Variants in RNF13 observed in about 807,000 individuals in gnomAD.
RNF13 encodes ring finger protein 13, also known as E3 ubiquitin-protein ligase RNF13.
Under a neutral mutation model 37.7 loss-of-function variants are expected in RNF13, and 19 were observed. The observed-to-expected ratio is 0.50, with a 90% CI of 0.35 to 0.74. The LOEUF is 0.74. Ranked by LOEUF, RNF13 falls within the 30% of genes least tolerant of loss-of-function variation. RNF13 has a pLI of 0.01. For synonymous variants in RNF13, 144 were observed against 157.8 expected, an observed-to-expected ratio of 0.91 and a Z score of 0.65; for missense variants, 375 against 453.0, an observed-to-expected ratio of 0.83 and a Z score of 1.56.
At chr3:149,840,539 T>G (rs1431058803) in intron 1 of RNF13, among the ~76,000 whole-genome samples, 1 of 152,214 alleles carries the variant, frequency 6.6e-6, no homozygotes, top group Non-Finnish European at 1.5e-5. Context: ...GGTTCTAAAA[T>G]ATCCTCAGGA....
intron 1 of RNF13, chr3:149,822,454 T>C (rs1001033600): frequency 2.0e-5 from 3 of 152,048 alleles, no homozygotes; most frequent in African/African-American, 7.2e-5. Flanking sequence ...AGAAACACAA[T>C]GGATTTTGTG....
At chr3:149,877,050 G>A (rs1712795696) in intron 4 of RNF13, among the ~76,000 whole-genome samples, 1 of 151,984 alleles carries the variant, frequency 6.6e-6, no homozygotes, top group African/African-American at 2.4e-5. Context: ...AAAGTGCAGG[G>A]ATTACAGGCG....
chr3:149,896,479 CTTT>C (rs952704455), intron 5 of RNF13, among the ~76,000 whole-genome samples: 14 of 150,842 alleles, frequency 9.3e-5, no homozygotes, highest in Non-Finnish European at 3.0e-5. Flanking sequence ...TGCCCTTCTT[CTTT>C]ATTTTTTTTT....
intron 8 of RNF13, among the ~76,000 whole-genome samples, chr3:149,925,630 T>G (rs2108545999): frequency 6.6e-6 from 1 of 152,344 alleles, no homozygotes; most frequent in South Asian, 2.1e-4. Flanking sequence ...ACATTCTTTT[T>G]TTTTCAGTTT....
intron 8 of RNF13, 98 bp from the exon 9 acceptor site, chr3:149,959,958 T>C (rs1722218896): frequency 2.8e-6 from 2 of 721,848 alleles, no homozygotes; most frequent in South Asian, 3.7e-5. Context: ...GCAAAAGGCA[T>C]CATTCAAAGA....
rs534473909 is a variant in RNF13 at position 149,950,676 on chromosome 3, A to G, written c.701-9380A>G. Among the ~76,000 whole-genome samples, 6 of 150,048 alleles carry G rather than the reference A, an allele frequency of 4.0e-5. No individual in the cohort carries two copies. The East Asian group carries it at 9.9e-4, about 25-fold the overall frequency. ...TTTTTGGTAGAAATGGGGTCTTTCT[A>G]TGTTGCCCAGGCTGGTCTTCAACAT... is the stretch of plus-strand genomic sequence containing the variant. On this transcript the variant is annotated intron_variant, in intron 8 of 9. Coordinates refer to ENST00000392894, the MANE Select transcript of RNF13 (RefSeq NM_183381.3).
At chr3:149,856,558 C>G (rs1434370542) in intron 3 of RNF13, among the ~76,000 whole-genome samples, 1 of 151,678 alleles carries the variant, frequency 6.6e-6, no homozygotes, top group Non-Finnish European at 1.5e-5. Flanking sequence ...ATCCTCCCAC[C>G]TCAGGCTCCT....
intron 6 of RNF13, among the ~76,000 whole-genome samples, chr3:149,903,648 C>G (rs1440777116): frequency 6.6e-6 from 1 of 152,102 alleles, no homozygotes; most frequent in Non-Finnish European, 1.5e-5. Context: ...TACAAACTCT[C>G]TTATCCCACC....
intron 8 of RNF13, among the ~76,000 whole-genome samples, chr3:149,944,877 C>G (rs1210160911): frequency 6.6e-6 from 1 of 152,102 alleles, no homozygotes; most frequent in Admixed American, 6.5e-5. Context: ...GACATGAAGT[C>G]CTTGCCCATG....
intron 1 of RNF13, among the ~76,000 whole-genome samples, chr3:149,815,752 G>A (rs1201601459): frequency 6.6e-6 from 1 of 152,180 alleles, no homozygotes; most frequent in African/African-American, 2.4e-5. Context: ...GATTGGTATT[G>A]TCAAAGTTTA....
At chr3:149,916,616 G>A (rs1389724165) in intron 7 of RNF13, among the ~76,000 whole-genome samples, 3 of 151,740 alleles carry the variant, frequency 2.0e-5, no homozygotes, top group African/African-American at 7.2e-5. Context: ...ACCTTGTCTG[G>A]TTGTATGTCT....
intron 9 of RNF13, among the ~76,000 whole-genome samples, chr3:149,960,351 G>T (rs111840234): frequency 8.9e-4 from 135 of 152,222 alleles, no homozygotes; most frequent in African/African-American, 3.1e-3. Context: ...CAGCACTTTG[G>T]GAGGCCGAGG....
chr3:149,935,592 CATCTT>C (rs972552511), intron 8 of RNF13, among the ~76,000 whole-genome samples: 23 of 152,140 alleles, frequency 1.5e-4, no homozygotes, highest in African/African-American at 3.9e-4. Context: ...TTACAAAAAA[CATCTT>C]ATAAGTTATT....
At chr3:149,859,555 C>T (rs1458555644) in intron 3 of RNF13, among the ~76,000 whole-genome samples, 1 of 152,142 alleles carries the variant, frequency 6.6e-6, no homozygotes, top group African/African-American at 2.4e-5. Flanking sequence ...TAAATCAACA[C>T]ACTCCCTTCA....
chr3:149,899,946 G>A (rs1485929071), intron 5 of RNF13, among the ~76,000 whole-genome samples: 2 of 152,168 alleles, frequency 1.3e-5, no homozygotes, highest in African/African-American at 2.4e-5. Flanking sequence ...GGAGAGTTTG[G>A]GGCTGGATCA....
intron 4 of RNF13, among the ~76,000 whole-genome samples, chr3:149,876,079 A>T (rs919255109): frequency 4.6e-5 from 7 of 152,238 alleles, no homozygotes; most frequent in African/African-American, 1.7e-4. Context: ...TAACTGAATA[A>T]AGACAAGTTA....
intron 1 of RNF13, among the ~76,000 whole-genome samples, chr3:149,844,965 C>T (rs1722507198): frequency 6.6e-6 from 1 of 152,160 alleles, no homozygotes; most frequent in African/African-American, 2.4e-5. Context: ...CAAGCTTTCC[C>T]CCCACGCCCT....
intron 1 of RNF13, among the ~76,000 whole-genome samples, chr3:149,838,032 G>A (rs1368837620): frequency 6.6e-6 from 1 of 152,172 alleles, no homozygotes; most frequent in African/African-American, 2.4e-5. Context: ...AAGGGCTACA[G>A]GCCCCATGCA....
At chr3:149,950,862 A>T (rs943575856) in intron 8 of RNF13, among the ~76,000 whole-genome samples, 1 of 152,120 alleles carries the variant, frequency 6.6e-6, no homozygotes, top group Non-Finnish European at 1.5e-5. Context: ...AGGTGGGACA[A>T]GATGGCTGGC....
Sources: allele counts gnomAD v4.1 joint callset (sites outside exome capture counted in the v4.1 genomes callset), GRCh38; gene constraint gnomAD v4.1.1; transcripts MANE v1.5; gene names NCBI Gene and HGNC (gene_info 2026-07-23, HGNC 2026-07-21).